Variants in NALF1 observed in about 807,000 individuals in gnomAD.
The protein encoded by NALF1 is NALCN channel auxiliary factor 1, also known as family with sequence similarity 155 member A.
NALF1 carries 3 observed loss-of-function variants against 48.4 expected under a neutral mutation model. The observed-to-expected ratio is 0.06, with a 90% confidence interval of 0.03 to 0.16. The LOEUF (loss-of-function observed/expected upper bound fraction) is 0.16, where lower values mean the gene tolerates loss of function less well. Ranked by LOEUF, NALF1 falls within the 10% of genes least tolerant of loss-of-function variation. The pLI is 1.00. For synonymous variants in NALF1, 262 were observed against 245.7 expected, an observed-to-expected ratio of 1.07 and a Z score of -0.62; for missense variants, 526 against 571.5, an observed-to-expected ratio of 0.92 and a Z score of 0.81.
intron 1 of NALF1, among the ~76,000 whole-genome samples, chr13:107,688,923 C>T (rs749315398): frequency 2.6e-5 from 4 of 152,142 alleles, no homozygotes; most frequent in African/African-American, 9.7e-5. Context: ...AGTCTCGAAA[C>T]GGAGGTCACT....
At position 107,621,740 on chromosome 13, in the gene NALF1, T is replaced by C. The variant is rs567290198; in HGVS notation, c.915+243942A>G. Among the ~76,000 whole-genome samples, 3 of 152,228 alleles carry C rather than the reference T, an allele frequency of 2.0e-5. No homozygotes were observed. In the East Asian group the frequency reaches 5.8e-4, roughly 29 times the overall value. ...CAAACACAATAATCCATGAGAAAAA[T>C]TGAGGCGCTCTGCTCCACTGACACC... On this transcript the variant is annotated intron_variant, in intron 1 of 2. Coordinates refer to ENST00000375915, the MANE Select transcript of NALF1 (RefSeq NM_001080396.3).
Position 107,649,939 on chromosome 13 carries a change from G to A in NALF1, c.915+215743C>T, listed in dbSNP as rs543449303. Reference sequence around the variant, plus strand: ...GCCATCCAAAATGATAATGCTACATGGACTGTTATCAATACTTGTAAGTTA... The same window carrying A: ...GCCATCCAAAATGATAATGCTACATAGACTGTTATCAATACTTGTAAGTTA... On this transcript the variant is annotated intron_variant, in intron 1 of 2. Coordinates refer to ENST00000375915, the MANE Select transcript of NALF1 (RefSeq NM_001080396.3). 2.3e-4 allele frequency among the ~76,000 whole-genome samples: 35 copies of A among 152,186 alleles called. 1 individual carries two copies. In the South Asian group the frequency reaches 6.2e-3, roughly 27 times the overall value.
intron 1 of NALF1, among the ~76,000 whole-genome samples, chr13:107,774,138 A>G (rs1446288810): frequency 6.6e-6 from 1 of 152,200 alleles, no homozygotes; most frequent in East Asian, 1.9e-4. Flanking sequence ...ATTTCTCTTG[A>G]TATTTCCAAT....
intron 1 of NALF1, among the ~76,000 whole-genome samples, chr13:107,419,336 A>G (rs1191801599): frequency 6.6e-6 from 1 of 152,206 alleles, no homozygotes; most frequent in East Asian, 1.9e-4. Context: ...TGGGTGTACC[A>G]TATGTGCCTG....
Position 107,578,773 on chromosome 13 carries a change from G to A in NALF1, c.915+286909C>T, listed in dbSNP as rs373659426. On this transcript the variant is annotated intron_variant, in intron 1 of 2. Transcript: ENST00000375915. ...AAGTAGCATCTGAATTTTGGAAGAC[G>A]GAACCACTCGTATGAATATGTAGAA... Among the ~76,000 whole-genome samples, 6 of 152,210 alleles carry A rather than the reference G, an allele frequency of 3.9e-5. No homozygotes were observed. In the South Asian group the frequency reaches 8.3e-4, roughly 21 times the overall value.
chr13:107,675,916 C>T (rs890361746), intron 1 of NALF1, among the ~76,000 whole-genome samples: 1 of 152,128 alleles, frequency 6.6e-6, no homozygotes, highest in Non-Finnish European at 1.5e-5. Flanking sequence ...AAGAACTTCC[C>T]TTCTCAGAGT....
chr13:107,413,109 A>T (rs1884020206), intron 1 of NALF1, among the ~76,000 whole-genome samples: 1 of 152,206 alleles, frequency 6.6e-6, no homozygotes, highest in South Asian at 2.1e-4. Flanking sequence ...AACTGGGTAG[A>T]AGGGAACACA....
chr13:107,255,975 A>G (rs902361327), intron 1 of NALF1, among the ~76,000 whole-genome samples: 1 of 152,188 alleles, frequency 6.6e-6, no homozygotes, highest in African/African-American at 2.4e-5. Flanking sequence ...CAACAAAAGC[A>G]ATGATAATGA....
chr13:107,781,422 C>T (rs1035200229), intron 1 of NALF1, among the ~76,000 whole-genome samples: 2 of 152,068 alleles, frequency 1.3e-5, no homozygotes, highest in Admixed American at 1.3e-4. Flanking sequence ...ATCTGATCTA[C>T]ATTTTGGATC....
chr13:107,204,393 C>T lies in NALF1; in HGVS notation c.1087+6191G>A, dbSNP rs541311555. Among the ~76,000 whole-genome samples the T allele has an allele frequency of 2.8e-4, 43 of 152,278 alleles. No individual in the cohort carries two copies. The South Asian group carries it at 4.6e-3, about 16-fold the overall frequency. ...CTGTGTTCTGGCACTGGGCTCAGTA[C>T]TCTTAGCCACTTGTGGAGGTGAGGC... On this transcript the variant is annotated intron_variant, in intron 2 of 2. Coordinates refer to ENST00000375915, the MANE Select transcript of NALF1 (RefSeq NM_001080396.3).
At chr13:107,848,985 T>C (rs1880243938) in intron 1 of NALF1, among the ~76,000 whole-genome samples, 1 of 152,216 alleles carries the variant, frequency 6.6e-6, no homozygotes, top group Non-Finnish European at 1.5e-5. Flanking sequence ...CAAAATATTA[T>C]GGAACACTGT....
intron 1 of NALF1, among the ~76,000 whole-genome samples, chr13:107,632,183 G>A (rs149569741): frequency 1.2e-4 from 19 of 152,162 alleles, no homozygotes; most frequent in African/African-American, 4.6e-4. Flanking sequence ...CATTTTAAAC[G>A]CTCTGGTGGC....
intron 1 of NALF1, among the ~76,000 whole-genome samples, chr13:107,301,109 A>AT (rs1171530146): frequency 6.6e-6 from 1 of 151,964 alleles, no homozygotes; most frequent in Admixed American, 6.6e-5. Flanking sequence ...TATGTTTTTC[A>AT]TTTTTTGTAC....
At chr13:107,545,241 CT>C (rs1323129441) in intron 1 of NALF1, among the ~76,000 whole-genome samples, 1 of 152,132 alleles carries the variant, frequency 6.6e-6, no homozygotes, top group Admixed American at 6.5e-5. Flanking sequence ...AGGGGGAGTG[CT>C]GTGTGCTGAC....
chr13:107,555,718 A>G (rs1342001514), intron 1 of NALF1, among the ~76,000 whole-genome samples: 1 of 152,104 alleles, frequency 6.6e-6, no homozygotes, highest in Non-Finnish European at 1.5e-5. Context: ...ATTGTTAATC[A>G]GTGCATCATT....
At chr13:107,701,566 T>C (rs1348757263) in intron 1 of NALF1, among the ~76,000 whole-genome samples, 1 of 152,008 alleles carries the variant, frequency 6.6e-6, no homozygotes, top group Non-Finnish European at 1.5e-5. Context: ...AGATATGTAC[T>C]GGGGTGGGGT....
intron 1 of NALF1, among the ~76,000 whole-genome samples, chr13:107,845,305 G>A (rs575647200): frequency 6.6e-6 from 1 of 152,274 alleles, no homozygotes; most frequent in African/African-American, 2.4e-5. Flanking sequence ...TTTCCAAGTG[G>A]TGATGATGTA....
intron 1 of NALF1, among the ~76,000 whole-genome samples, chr13:107,474,026 C>G (rs1426330727): frequency 6.6e-6 from 1 of 152,136 alleles, no homozygotes; most frequent in Non-Finnish European, 1.5e-5. Context: ...CCCTCCCTAC[C>G]CTTTATGAGA....
intron 1 of NALF1, among the ~76,000 whole-genome samples, chr13:107,351,213 C>A (rs771687889): frequency 3.3e-5 from 5 of 152,172 alleles, no homozygotes; most frequent in Admixed American, 2.0e-4. Flanking sequence ...GTATACTTAA[C>A]AACTTGTTAA....
Sources: allele counts gnomAD v4.1 joint callset (sites outside exome capture counted in the v4.1 genomes callset), GRCh38; gene constraint gnomAD v4.1.1; transcripts MANE v1.5; gene names NCBI Gene and HGNC (gene_info 2026-07-23, HGNC 2026-07-21).